SLC4A10: variants seen among roughly 807,000 people sequenced by gnomAD.
SLC4A10 encodes the protein solute carrier family 4 member 10.
In SLC4A10, 42 loss-of-function variants were observed where a neutral mutation model predicts 137.7. The ratio of observed to expected loss-of-function variants is 0.30; its 90% CI spans 0.24 to 0.39. SLC4A10 has a LOEUF of 0.39. SLC4A10 is among the 10% of genes least tolerant of loss of function. The probability of loss-of-function intolerance (pLI) is 1.00; values close to 1 mark genes in which losing one functional copy is unlikely to be tolerated. For missense variants in SLC4A10, 925 were observed against 1,355.0 expected (o/e 0.68, Z 4.98); for synonymous variants, 474 against 464.1 (o/e 1.02, Z -0.27).
At chr2:161,864,266 T>C (rs1253275563) in intron 6 of SLC4A10, among the ~76,000 whole-genome samples, 2 of 152,282 alleles carry the variant, frequency 1.3e-5, no homozygotes, top group East Asian at 1.9e-4. Context: ...AATGCTTTAC[T>C]GGAAAGACTG....
intron 1 of SLC4A10, among the ~76,000 whole-genome samples, chr2:161,761,724 A>G (rs779711173): frequency 2.0e-5 from 3 of 152,112 alleles, no homozygotes; most frequent in Non-Finnish European, 2.9e-5. Flanking sequence ...GGTCACAGCA[A>G]CCGTCAGAAG....
intron 3 of SLC4A10, among the ~76,000 whole-genome samples, chr2:161,836,828 A>C (rs2058849727): frequency 6.6e-6 from 1 of 152,182 alleles, no homozygotes; most frequent in Non-Finnish European, 1.5e-5. Context: ...GTAGCCAGAG[A>C]AAAATGCAAC....
intron 1 of SLC4A10, among the ~76,000 whole-genome samples, chr2:161,742,688 C>T (rs1392439035): frequency 6.6e-6 from 1 of 152,052 alleles, no homozygotes; most frequent in African/African-American, 2.4e-5. Context: ...GATCCTCCTG[C>T]CTCTGCCTCC....
Position 161,976,834 on chromosome 2 carries a change from C to T in SLC4A10, c.3302C>T (p.Ala1101Val). 2 of 1,602,834 alleles carry T rather than the reference C, an allele frequency of 1.2e-6. No individual in the cohort carries two copies. Among genetic ancestry groups the T allele is most frequent in the Admixed American group, 1.7e-5 (1 of 58,816 alleles). The part of the protein sequence containing the change: ...TALWRNLLIT[A>V]DNSKDKESSF... ...TTGTGGAGGAACCTTCTGATTACTG[C>T]CGATAACTCAAAAGATAAGGAGTCA... The change falls in exon 25 of 27, where the codon GCC (alanine) becomes GTC (valine). Residue 1101 changes from alanine (A) to valine (V), a missense_variant. Physicochemically the swap from Ala to Val is moderately conservative, Grantham distance 64. Transcript: ENST00000446997.
chr2:161,905,038 T>C (rs1328338257), intron 14 of SLC4A10, 129 bp downstream of exon 14: 2 of 917,342 alleles, frequency 2.2e-6, no homozygotes, highest in Non-Finnish European at 3.1e-6. Context: ...CAGTTTATCA[T>C]TTTTGCTTCA....
chr2:161,913,198 T>C (rs776102251), intron 15 of SLC4A10, among the ~76,000 whole-genome samples: 4 of 152,194 alleles, frequency 2.6e-5, no homozygotes, highest in Non-Finnish European at 4.4e-5. Context: ...AATTTACCTG[T>C]AGTCTGTGAC....
At chr2:161,653,278 C>T (rs965173930) in intron 1 of SLC4A10, among the ~76,000 whole-genome samples, 2 of 152,044 alleles carry the variant, frequency 1.3e-5, no homozygotes, top group Non-Finnish European at 2.9e-5. Context: ...GGTTCCAAGT[C>T]GTCGCTATTG....
At chr2:161,769,160 C>A (rs1427333954) in intron 1 of SLC4A10, among the ~76,000 whole-genome samples, 1 of 151,930 alleles carries the variant, frequency 6.6e-6, no homozygotes, top group Admixed American at 6.6e-5. Context: ...ACTGTTAGAG[C>A]CCTTTCTAAC....
chr2:161,922,603 G>A (rs913463725), intron 15 of SLC4A10, among the ~76,000 whole-genome samples: 1 of 152,028 alleles, frequency 6.6e-6, no homozygotes, highest in African/African-American at 2.4e-5. Context: ...TAAAAATATT[G>A]TATGCTCATA....
intron 1 of SLC4A10, among the ~76,000 whole-genome samples, chr2:161,673,085 G>A (rs1442486871): frequency 6.6e-6 from 1 of 152,152 alleles, no homozygotes; most frequent in Non-Finnish European, 1.5e-5. Context: ...GGGATTAACT[G>A]TTTACTTACT....
At chr2:161,888,478 G>A (rs62188802) in intron 10 of SLC4A10, among the ~76,000 whole-genome samples, 10,410 of 152,152 alleles carry the variant, frequency 0.068, 461 homozygotes, top group East Asian at 0.13. Context: ...TCGAGCAGTG[G>A]TTTCTAGTTC....
intron 1 of SLC4A10, among the ~76,000 whole-genome samples, chr2:161,664,262 A>G (rs888045401): frequency 1.3e-5 from 2 of 152,022 alleles, no homozygotes; most frequent in African/African-American, 2.4e-5. Flanking sequence ...CAAACAAAAT[A>G]GTTGACGCTT....
At chr2:161,924,668 A>T (rs1179249844) in intron 15 of SLC4A10, among the ~76,000 whole-genome samples, 1 of 152,174 alleles carries the variant, frequency 6.6e-6, no homozygotes, top group Non-Finnish European at 1.5e-5. Flanking sequence ...TAGGTAACTA[A>T]CGTCCACTTG....
intron 1 of SLC4A10, among the ~76,000 whole-genome samples, chr2:161,744,024 C>CT (rs913364047): frequency 2.0e-5 from 3 of 151,938 alleles, no homozygotes; most frequent in Non-Finnish European, 2.9e-5. Context: ...CTCTAGTAGG[C>CT]TTTTTTTGTG....
At chr2:161,678,643 A>G (rs1157531547) in intron 1 of SLC4A10, among the ~76,000 whole-genome samples, 1 of 152,134 alleles carries the variant, frequency 6.6e-6, no homozygotes, top group Non-Finnish European at 1.5e-5. Flanking sequence ...TAAACTACAG[A>G]TAACCATTAT....
At chr2:161,968,312 A>T (rs560616165) in intron 23 of SLC4A10, among the ~76,000 whole-genome samples, 4 of 152,206 alleles carry the variant, frequency 2.6e-5, no homozygotes, top group Non-Finnish European at 5.9e-5. Context: ...GGAATTTATG[A>T]ATCTCATAGG....
chr2:161,918,829 C>G (rs544970648), intron 15 of SLC4A10, among the ~76,000 whole-genome samples: 45 of 152,290 alleles, frequency 3.0e-4, no homozygotes, highest in African/African-American at 1.0e-3. Context: ...AGTAGGGGAG[C>G]TGCATGCTCT....
intron 21 of SLC4A10, among the ~76,000 whole-genome samples, chr2:161,959,031 A>T (rs1390126448): frequency 2.0e-5 from 3 of 152,184 alleles, no homozygotes; most frequent in Non-Finnish European, 2.9e-5. Flanking sequence ...ATTGATAATT[A>T]TAGGAACCAC....
At chr2:161,883,100 C>T (rs1174159547) in intron 10 of SLC4A10, among the ~76,000 whole-genome samples, 1 of 152,126 alleles carries the variant, frequency 6.6e-6, no homozygotes, top group East Asian at 1.9e-4. Context: ...CATCATACCA[C>T]TATTTTCCTT....
Sources: gnomAD v4.1 joint callset for allele counts (sites outside exome capture counted in the v4.1 genomes callset) on GRCh38, gnomAD v4.1.1 for gene constraint, MANE v1.5 for transcripts, NCBI Gene and HGNC (gene_info 2026-07-23, HGNC 2026-07-21) for gene names.